ITM2B: variants seen among roughly 807,000 people sequenced by gnomAD.
The protein encoded by ITM2B is ABri/ADan amyloid peptide.
Under a neutral mutation model 27.8 loss-of-function variants are expected in ITM2B, and 11 were observed. That is an observed-to-expected ratio of 0.40 (90% CI 0.25 to 0.66). The LOEUF (loss-of-function observed/expected upper bound fraction) is 0.66. ITM2B is among the 30% of genes least tolerant of loss of function. ITM2B has a pLI of 0.43. For synonymous variants in ITM2B, 114 were observed against 114.3 expected (o/e 1.00, Z 0.02); for missense variants, 296 against 328.9 (o/e 0.90, Z 0.77).
chr13:48,258,827 A>C lies in ITM2B; in HGVS notation c.595A>C (p.Ile199Leu), dbSNP rs1472902527. Residue 199 changes from isoleucine (I) to leucine (L), a missense_variant, in exon 5 of 6, where the codon ATT becomes CTT. Ile to Leu is a conservative substitution (Grantham distance 5). Transcript: ENST00000647800. ...AACCTATTTGCCTCAGTCCTATCTG[A>C]TTCATGAGCACATGGTTATTACTGA... ...AGTYLPQSYLIHEHMVITDRI... is the reference protein window; with the variant it reads ...AGTYLPQSYLLHEHMVITDRI... 1.9e-6 allele frequency: 3 copies of C among 1,613,734 alleles called. No homozygotes were observed. Among genetic ancestry groups the C allele is most frequent in the African/African-American group, 1.3e-5 (1 of 74,924 alleles).
chr13:48,250,343 G>T (rs1951747712), intron 1 of ITM2B, among the ~76,000 whole-genome samples: 1 of 152,108 alleles, frequency 6.6e-6, no homozygotes, highest in African/African-American at 2.4e-5. Context: ...AAGTTGGCCG[G>T]GTACGGTGGC....
intron 1 of ITM2B, among the ~76,000 whole-genome samples, chr13:48,243,133 GAGGC>G (rs143128192): frequency 0.019 from 2,950 of 152,288 alleles, 92 homozygotes; most frequent in African/African-American, 0.064. Context: ...AAAGATTGAT[GAGGC>G]ATCCTCTGAT....
At chr13:48,253,711 A>G (rs1430831260) in intron 1 of ITM2B, 97 bp from the exon 2 acceptor site, 2 of 1,266,242 alleles carry the variant, frequency 1.6e-6, no homozygotes, top group African/African-American at 1.5e-5. Flanking sequence ...TTGTGTCTTC[A>G]TTTATTAAAA....
intron 1 of ITM2B, among the ~76,000 whole-genome samples, chr13:48,239,273 A>G (rs1021618878): frequency 4.6e-5 from 7 of 152,208 alleles, no homozygotes; most frequent in Non-Finnish European, 1.5e-5. Context: ...AGGCAAATTC[A>G]GTGTCTCCTG....
At chr13:48,250,511 G>A (rs1272823260) in intron 1 of ITM2B, among the ~76,000 whole-genome samples, 2 of 151,972 alleles carry the variant, frequency 1.3e-5, no homozygotes, top group Admixed American at 1.3e-4. Flanking sequence ...TCAGCTACTC[G>A]GGAGACAGAG....
intron 3 of ITM2B, 40 bp from the exon 4 acceptor site, chr13:48,258,085 GC>G: frequency 1.1e-6 from 1 of 935,320 alleles, no homozygotes; most frequent in Non-Finnish European, 1.8e-6. Context: ...GCCTGTTTTT[GC>G]AAGTATTACT....
chr13:48,248,808 C>T (rs1171983952), intron 1 of ITM2B, among the ~76,000 whole-genome samples: 1 of 152,192 alleles, frequency 6.6e-6, no homozygotes, highest in Non-Finnish European at 1.5e-5. Context: ...CCATGGGCCA[C>T]GGGTTGGACA....
chr13:48,253,613 C>T (rs1413350108), intron 1 of ITM2B, among the ~76,000 whole-genome samples, 195 bp from the exon 2 acceptor site: 1 of 152,144 alleles, frequency 6.6e-6, no homozygotes, highest in East Asian at 1.9e-4. Context: ...ACCAATGTCC[C>T]AGTCCAAGAA....
chr13:48,255,345 G>A (rs1271621232), intron 2 of ITM2B, among the ~76,000 whole-genome samples: 1 of 152,112 alleles, frequency 6.6e-6, no homozygotes, highest in African/African-American at 2.4e-5. Flanking sequence ...AGGCTGGAGT[G>A]CGGTGGTGCA....
intron 1 of ITM2B, among the ~76,000 whole-genome samples, chr13:48,251,508 A>G (rs1951756218): frequency 6.6e-6 from 1 of 152,212 alleles, no homozygotes; most frequent in Non-Finnish European, 1.5e-5. Context: ...CTCTTGGCAC[A>G]TAGTAGACAT....
chr13:48,253,412 G>A (rs1235095896), intron 1 of ITM2B, among the ~76,000 whole-genome samples: 1 of 152,154 alleles, frequency 6.6e-6, no homozygotes, highest in Non-Finnish European at 1.5e-5. Flanking sequence ...AGATGCCCTG[G>A]ATTTATAATG....
At chr13:48,235,839 A>T in intron 1 of ITM2B, among the ~76,000 whole-genome samples, 1 of 152,242 alleles carries the variant, frequency 6.6e-6, no homozygotes, top group East Asian at 1.9e-4. Context: ...CTCCCAGATC[A>T]CAATATCCCG....
chr13:48,253,715 A>G (rs1951767738), intron 1 of ITM2B, 93 bp from the exon 2 acceptor site: 1 of 1,285,308 alleles, frequency 7.8e-7, no homozygotes, highest in Non-Finnish European at 1.1e-6. Flanking sequence ...GTCTTCATTT[A>G]TTAAAATGAT....
chr13:48,242,158 T>A (rs1951703123), intron 1 of ITM2B, among the ~76,000 whole-genome samples: 1 of 152,240 alleles, frequency 6.6e-6, no homozygotes, highest in Admixed American at 6.5e-5. Flanking sequence ...TTTAGTGTTT[T>A]TTATTATAAT....
intron 1 of ITM2B, among the ~76,000 whole-genome samples, chr13:48,240,514 T>C (rs1314880020): frequency 1.3e-5 from 2 of 152,240 alleles, no homozygotes; most frequent in Non-Finnish European, 2.9e-5. Context: ...ACTTCTTATA[T>C]TACTGTTACT....
chr13:48,259,530 A>T (rs936367625), intron 5 of ITM2B, among the ~76,000 whole-genome samples: 1 of 152,224 alleles, frequency 6.6e-6, no homozygotes, highest in Admixed American at 6.5e-5. Flanking sequence ...AAGAAAGTAC[A>T]TGTGGCAGCT....
Position 48,256,386 on chromosome 13 carries a change from G to A in ITM2B, c.453+3G>A. 1 of 1,607,790 alleles carries A rather than the reference G, an allele frequency of 6.2e-7. No individual in the cohort carries two copies. The highest frequency in any genetic ancestry group is 8.5e-7 in the Non-Finnish European group (1 of 1,174,542). Reference sequence around the variant, plus strand: ...ACATTGTTCATGACTTTAACAAGGTGAGCCAAGTGTCCAGAATTGTAGAAA... The same window carrying A: ...ACATTGTTCATGACTTTAACAAGGTAAGCCAAGTGTCCAGAATTGTAGAAA... On this transcript the variant is annotated splice_donor_region_variant and intron_variant, in intron 3 of 5. Transcript: ENST00000647800.
At chr13:48,252,846 T>G (rs1375548225) in intron 1 of ITM2B, among the ~76,000 whole-genome samples, 1 of 152,204 alleles carries the variant, frequency 6.6e-6, no homozygotes, top group Non-Finnish European at 1.5e-5. Flanking sequence ...GAGTGACTAC[T>G]TATTTAAGTA....
At chr13:48,260,665 G>A (rs1274635372) in intron 5 of ITM2B, among the ~76,000 whole-genome samples, 1 of 152,038 alleles carries the variant, frequency 6.6e-6, no homozygotes, top group East Asian at 1.9e-4. Context: ...TATGATAATG[G>A]CCTCCAGCTG....
Sources: allele counts gnomAD v4.1 joint callset (sites outside exome capture counted in the v4.1 genomes callset), GRCh38; gene constraint gnomAD v4.1.1; transcripts MANE v1.5; gene names NCBI Gene and HGNC (gene_info 2026-07-23, HGNC 2026-07-21).